ZFHX3: variants seen among roughly 807,000 people sequenced by gnomAD.
ZFHX3 encodes zinc finger homeobox 3.
A neutral mutation model predicts 279.1 loss-of-function variants in ZFHX3; 42 were observed. That is an observed-to-expected ratio of 0.15 (90% confidence interval 0.12 to 0.19). ZFHX3 has a LOEUF of 0.19. ZFHX3 is among the 10% of genes least tolerant of loss of function. ZFHX3 has a pLI of 1.00. For synonymous variants in ZFHX3, 2,293 were observed against 1,957.8 expected (o/e 1.17, Z -4.52); for missense variants, 4,981 against 4,754.0 (o/e 1.05, Z -1.40).
At chr16:73,871,028 A>C (rs1243070118) in intron 1 of ZFHX3, among the ~76,000 whole-genome samples, 1 of 152,196 alleles carries the variant, frequency 6.6e-6, no homozygotes, top group African/African-American at 2.4e-5. Context: ...TGTAGATTGC[A>C]AGGAAGCCAT....
At chr16:73,593,778 A>G (rs563842521) in intron 2 of ZFHX3, among the ~76,000 whole-genome samples, 6 of 152,338 alleles carry the variant, frequency 3.9e-5, no homozygotes, top group African/African-American at 1.2e-4. Context: ...ACATTAGCAC[A>G]TTAAAAAGAA....
chr16:73,824,381 C>CT (rs770822715), intron 1 of ZFHX3, among the ~76,000 whole-genome samples: 201 of 112,132 alleles, frequency 1.8e-3, no homozygotes, highest in Middle Eastern at 4.6e-3. Context: ...CAAATAATTT[C>CT]TTTTTTTTTT....
chr16:73,318,617 C>T (rs551751752), intron 3 of ZFHX3, among the ~76,000 whole-genome samples: 6 of 151,964 alleles, frequency 3.9e-5, no homozygotes, highest in Admixed American at 1.3e-4. Context: ...ATCCTGCTGC[C>T]GACAATTAAG....
intron 4 of ZFHX3, among the ~76,000 whole-genome samples, chr16:73,293,228 T>A (rs931698756): frequency 6.6e-6 from 1 of 152,126 alleles, no homozygotes; most frequent in African/African-American, 2.4e-5. Flanking sequence ...AGAGAATACC[T>A]GGGCAATACC....
At chr16:73,677,647 A>G (rs2052968295) in intron 2 of ZFHX3, among the ~76,000 whole-genome samples, 2 of 152,024 alleles carry the variant, frequency 1.3e-5, no homozygotes, top group African/African-American at 2.4e-5. Context: ...TTGCATCTAT[A>G]AAAATAAATT....
intron 2 of ZFHX3, among the ~76,000 whole-genome samples, chr16:73,607,307 G>T (rs527414535): frequency 6.6e-6 from 1 of 152,190 alleles, no homozygotes; most frequent in Non-Finnish European, 1.5e-5. Context: ...GATTACAGGC[G>T]TGAGCCACCA....
intron 4 of ZFHX3, among the ~76,000 whole-genome samples, chr16:73,277,346 T>A (rs1478997120): frequency 1.3e-5 from 2 of 152,184 alleles, no homozygotes; most frequent in African/African-American, 4.8e-5. Context: ...GACAAATCAT[T>A]CTCAAGGGCA....
intron 1 of ZFHX3, among the ~76,000 whole-genome samples, chr16:73,729,794 A>G (rs146433641): frequency 8.7e-4 from 132 of 152,276 alleles, no homozygotes; most frequent in Non-Finnish European, 1.4e-3. Flanking sequence ...CACAGGTTCT[A>G]TTAGGTCCCA....
chr16:72,942,489 T>C (rs1219402884), intron 3 of ZFHX3, among the ~76,000 whole-genome samples: 2 of 152,104 alleles, frequency 1.3e-5, no homozygotes, highest in Non-Finnish European at 2.9e-5. Context: ...GCTTTCTAAA[T>C]AGAGAATCGG....
chr16:73,619,911 T>C (rs2143901056), intron 2 of ZFHX3, among the ~76,000 whole-genome samples: 1 of 152,348 alleles, frequency 6.6e-6, no homozygotes, highest in South Asian at 2.1e-4. Flanking sequence ...AATTTAGGAA[T>C]GTGGTTTATA....
chr16:73,088,664 T>G (rs1047642984), intron 8 of ZFHX3, among the ~76,000 whole-genome samples: 10 of 152,144 alleles, frequency 6.6e-5, no homozygotes, highest in African/African-American at 2.4e-4. Context: ...CAGTAGGTAG[T>G]GAGGGCATGG....
At chr16:73,832,949 T>C (rs188304230) in intron 1 of ZFHX3, among the ~76,000 whole-genome samples, 49 of 152,316 alleles carry the variant, frequency 3.2e-4, no homozygotes, top group Admixed American at 7.2e-4. Context: ...AAATTTAGTA[T>C]TTTGTTTTCT....
intron 5 of ZFHX3, among the ~76,000 whole-genome samples, chr16:73,148,595 G>A (rs1195765540): frequency 1.0e-5 from 1 of 97,036 alleles, no homozygotes; most frequent in African/African-American, 3.8e-5. Context: ...ACTATTATCT[G>A]TGTGATGTTG....
chr16:73,494,722 G>A (rs1187027570), intron 2 of ZFHX3, among the ~76,000 whole-genome samples: 1 of 140,066 alleles, frequency 7.1e-6, no homozygotes, highest in Non-Finnish European at 1.5e-5. Context: ...ACCATGACCG[G>A]CTAATTTTTT....
chr16:72,935,695 C>T (rs1397754468), intron 3 of ZFHX3, among the ~76,000 whole-genome samples: 1 of 150,728 alleles, frequency 6.6e-6, no homozygotes, highest in Non-Finnish European at 1.5e-5. Context: ...GATCACGCCA[C>T]TGCACTCCAG....
chr16:73,840,344 G>A (rs1050083252), intron 1 of ZFHX3, among the ~76,000 whole-genome samples: 3 of 152,086 alleles, frequency 2.0e-5, no homozygotes, highest in Admixed American at 6.5e-5. Flanking sequence ...CACAGAAAAG[G>A]CAGGCAGTGG....
intron 3 of ZFHX3, among the ~76,000 whole-genome samples, chr16:72,905,434 T>C (rs559295743): frequency 6.6e-6 from 1 of 152,284 alleles, no homozygotes; most frequent in South Asian, 2.1e-4. Flanking sequence ...CCATTTCTTC[T>C]ACATCCCTAG....
chr16:73,370,391 C>T (rs186680578), intron 3 of ZFHX3, among the ~76,000 whole-genome samples: 18 of 152,254 alleles, frequency 1.2e-4, no homozygotes, highest in South Asian at 2.1e-4. Context: ...AATGAAGGTT[C>T]GAGCATATGG....
At chr16:72,852,879 ATTAG>A (rs2037654019) in intron 4 of ZFHX3, among the ~76,000 whole-genome samples, 1 of 152,320 alleles carries the variant, frequency 6.6e-6, no homozygotes, top group Admixed American at 6.5e-5. Flanking sequence ...TCACTAAGTC[ATTAG>A]TTAAACTATC....
Sources: gnomAD v4.1 joint callset for allele counts (sites outside exome capture counted in the v4.1 genomes callset) on GRCh38, gnomAD v4.1.1 for gene constraint, MANE v1.5 for transcripts, NCBI Gene and HGNC (gene_info 2026-07-23, HGNC 2026-07-21) for gene names.